Variants in CAMKK1 observed in about 807,000 individuals in gnomAD.
CAMKK1 encodes the protein calcium/calmodulin dependent protein kinase kinase 1, also known as calcium/calmodulin-dependent protein kinase kinase 1.
In CAMKK1, 20 loss-of-function variants were observed where a neutral mutation model predicts 63.5. That is an observed-to-expected ratio of 0.32 (90% confidence interval 0.22 to 0.46). The LOEUF is 0.46. CAMKK1 is among the 20% of genes least tolerant of loss of function. The probability of loss-of-function intolerance (pLI) is 1.00; values close to 1 mark genes in which losing one functional copy is unlikely to be tolerated. For synonymous variants in CAMKK1, 253 were observed against 269.0 expected, an observed-to-expected ratio of 0.94 and a Z score of 0.58; for missense variants, 588 against 658.1, an observed-to-expected ratio of 0.89 and a Z score of 1.17.
Position 3,892,408 on chromosome 17 carries a change from A to G in CAMKK1, c.-44+531T>C, listed in dbSNP as rs1435697802. 1.3e-5 allele frequency among the ~76,000 whole-genome samples: 2 copies of G among 151,914 alleles called. No homozygotes were observed. Among genetic ancestry groups the G allele is most frequent in the Non-Finnish European group, 2.9e-5 (2 of 67,946 alleles). ...CAGCCCTGCGCCTCCCGGGCCCCGA[A>G]GCCGCAGCGCCCGCCTCTGCCGCCC... On this transcript the variant is annotated intron_variant, in intron 1 of 15. Coordinates refer to ENST00000348335, the MANE Select transcript of CAMKK1 (RefSeq NM_032294.3). This position sits in a 1 kb window ranked among gnomAD's most constrained non-coding sequence, Gnocchi z 7.5.
At chr17:3,873,571 T>C (rs2054998952) in intron 10 of CAMKK1, 109 bp from the exon 11 acceptor site, 1 of 1,071,514 alleles carries the variant, frequency 9.3e-7, no homozygotes, top group Admixed American at 1.7e-5. Context: ...TCCTCTGTCA[T>C]GCACTCACTC....
At chr17:3,868,726 C>T (rs1388685353) in intron 14 of CAMKK1, among the ~76,000 whole-genome samples, 1 of 151,890 alleles carries the variant, frequency 6.6e-6, no homozygotes, top group African/African-American at 2.4e-5. Flanking sequence ...GATCTTGGCT[C>T]ACTACAACCT....
At position 3,890,976 on chromosome 17, in the gene CAMKK1, C is replaced by T. The variant is rs571462907; in HGVS notation, c.-44+1963G>A. 4.6e-4 allele frequency among the ~76,000 whole-genome samples: 70 copies of T among 152,258 alleles called. No individual in the cohort carries two copies. Among genetic ancestry groups the T allele is most frequent in the Non-Finnish European group, 9.7e-4 (66 of 68,014 alleles). On this transcript the variant is annotated intron_variant, in intron 1 of 15. Coordinates refer to ENST00000348335, the MANE Select transcript of CAMKK1 (RefSeq NM_032294.3). This position sits in a 1 kb window ranked among gnomAD's most constrained non-coding sequence, Gnocchi z 6.5. ...GCTAACACCTCCACCCCACCCTACC[C>T]CATCCTCCACACCAGCTGCTGGAGG...
At chr17:3,864,031 CA>C (rs1482324007) in intron 15 of CAMKK1, among the ~76,000 whole-genome samples, 1 of 151,776 alleles carries the variant, frequency 6.6e-6, no homozygotes, top group East Asian at 1.9e-4. Flanking sequence ...CAGCTCACTG[CA>C]ACCTCCACCT....
chr17:3,861,902 A>C lies in CAMKK1; in HGVS notation c.*309T>G. The C allele has an allele frequency of 2.4e-6, 1 of 409,224 alleles. No homozygotes were observed. The highest frequency in any genetic ancestry group is 4.5e-6 in the Non-Finnish European group (1 of 221,094). 25.3% of individuals were successfully genotyped at this position (409,224 alleles called of 1,614,324 possible). On this transcript the variant is annotated 3_prime_UTR_variant, in exon 16 of 16. Coordinates refer to ENST00000348335, the MANE Select transcript of CAMKK1 (RefSeq NM_032294.3). ...TCTGCCTCCTGCCCCAGGCCATGCC[A>C]ACCAGCCGGGTGGCATTTCTGAGGC...
rs1355539898 is a variant in CAMKK1, at chr17:3,882,166, A to G, written c.685+362T>C. On this transcript the variant is annotated intron_variant, in intron 7 of 15. Coordinates refer to ENST00000348335, the MANE Select transcript of CAMKK1 (RefSeq NM_032294.3). This position sits in a 1 kb window ranked among gnomAD's most constrained non-coding sequence, Gnocchi z 4.3. ...TCTTCACAGGAACCCTATGAGGTAG[A>G]CACCACTAGTATCCCTGTTTTATAG... is the stretch of plus-strand genomic sequence containing the variant. The G allele has an allele frequency of 1.2e-6, 1 of 824,446 alleles. No homozygotes were observed. The highest frequency in any genetic ancestry group is 2.0e-6 in the Non-Finnish European group (1 of 504,200). The allele number at this position is 824,446 out of a possible 1,614,324, so 51.1% of individuals were successfully genotyped here. A position where few individuals can be genotyped will look rare whatever the true frequency, so the allele number is the denominator to read the frequency against.
rs2055912853 is a variant in CAMKK1, at chr17:3,891,798, TG to T, written c.-44+1140del. ...GCATATAGGAGAGTCATTTCCTGGC[TG>T]GGACTCCGGGCTTGGTTTGGGGGTG... On this transcript the variant is annotated intron_variant, in intron 1 of 15. Coordinates refer to ENST00000348335, the MANE Select transcript of CAMKK1 (RefSeq NM_032294.3). 4.6e-5 allele frequency among the ~76,000 whole-genome samples: 7 copies of T among 152,204 alleles called. No homozygotes were observed. The South Asian group carries it at 1.5e-3, about 32-fold the overall frequency.
At chr17:3,866,038 G>C in intron 14 of CAMKK1, 27 bp from the exon 15 acceptor site, 2 of 1,611,028 alleles carry the variant, frequency 1.2e-6, no homozygotes, top group Non-Finnish European at 1.7e-6. Context: ...AGCGTGAGGA[G>C]CACAGGTCCC....
intron 14 of CAMKK1, among the ~76,000 whole-genome samples, chr17:3,867,333 G>C (rs965561306): frequency 6.6e-6 from 1 of 152,214 alleles, no homozygotes; most frequent in Non-Finnish European, 1.5e-5. Flanking sequence ...CCAGAGACGA[G>C]TGCATGATGG....
intron 8 of CAMKK1, among the ~76,000 whole-genome samples, chr17:3,880,782 GCTT>G (rs1390276193): frequency 2.8e-5 from 3 of 108,296 alleles, no homozygotes; most frequent in Non-Finnish European, 5.6e-5. Context: ...GGTGGCAACT[GCTT>G]TTTTTTTTTT....
rs2143765764 is a variant in CAMKK1 at position 3,861,994 on chromosome 17, C to T, written c.*217G>A. The stretch of plus-strand genomic sequence containing the variant: ...GGAGGTCCAAGAAGAGGAGGATGGC[C>T]TCGTGGGAGCCCTGCCCCCAAGACC... On this transcript the variant is annotated 3_prime_UTR_variant, in exon 16 of 16. Coordinates refer to ENST00000348335, the MANE Select transcript of CAMKK1 (RefSeq NM_032294.3). The T allele has an allele frequency of 1.7e-6, 1 of 584,342 alleles. No homozygotes were observed. Among genetic ancestry groups the T allele is most frequent in the Non-Finnish European group, 3.1e-6 (1 of 325,668 alleles). The allele number at this position is 584,342 out of a possible 1,614,324, so 36.2% of individuals were successfully genotyped here.
rs998789220 is a variant in CAMKK1 at position 3,883,186 on chromosome 17, G to A, written c.515-11C>T. The A allele has an allele frequency of 8.7e-6, 14 of 1,608,386 alleles. No individual in the cohort carries two copies. The highest frequency in any genetic ancestry group is 1.2e-5 in the Non-Finnish European group (14 of 1,179,892). ...TCGGGGGAGGGCGACCTGTGACCAG[G>A]AAGAGAACTCAAACACCTGTTCCAG... On this transcript the variant is annotated splice_polypyrimidine_tract_variant and intron_variant, in intron 5 of 15. Transcript: ENST00000348335. The surrounding 1 kb of genome is among the most constrained non-coding windows in gnomAD (Gnocchi z 4.7).
Position 3,883,368 on chromosome 17 carries a change from G to C in CAMKK1, c.514+61C>G. ...TCCTAGCCAAAACTAGCTCAGGATC[G>C]AGGTCTCCTCCTCTGCCTCCAGGCT... On this transcript the variant is annotated intron_variant, in intron 5 of 15. Transcript: ENST00000348335. The surrounding 1 kb of genome is among the most constrained non-coding windows in gnomAD (Gnocchi z 4.7). 6.5e-7 allele frequency: 1 copy of C among 1,542,326 alleles called. No homozygotes were observed. The highest frequency in any genetic ancestry group is 9.0e-7 in the Non-Finnish European group (1 of 1,115,244).
rs2055466465 is a variant in CAMKK1, at chr17:3,882,686, A to T, written c.649-122T>A. ...ATGCATGCAACCACCCCAGACAAGG[A>T]AGCAGGAAGTGTACAGGTGGTGCCA... On this transcript the variant is annotated intron_variant, in intron 6 of 15. Transcript: ENST00000348335. This position sits in a 1 kb window ranked among gnomAD's most constrained non-coding sequence, Gnocchi z 4.3. 3 of 958,884 alleles carry T rather than the reference A, an allele frequency of 3.1e-6. No homozygotes were observed. The highest frequency in any genetic ancestry group is 4.8e-6 in the Non-Finnish European group (3 of 619,788). 59.4% of individuals were successfully genotyped at this position (958,884 alleles called of 1,614,324 possible).
Position 3,869,848 on chromosome 17 carries a change from T to A in CAMKK1, c.1165A>T (p.Met389Leu), listed in dbSNP as rs751738404. The change falls in exon 13 of 16, where the codon ATG becomes TTG. Residue 389 changes from methionine (M) to leucine (L), a missense_variant. Around this residue, in one of 3 missense-constraint regions of CAMKK1, gnomAD observed 226 missense variants for 229.2 expected, o/e 0.99. Coordinates refer to ENST00000348335, the MANE Select transcript of CAMKK1 (RefSeq NM_032294.3). ...CTCGTCTCGGGATTCTTGTCTAACA[T>A]CTTCAGGATCAGGTCCTTGAGCTCC... ...SEELKDLILKMLDKNPETRIG... is the reference protein window; with the variant it reads ...SEELKDLILKLLDKNPETRIG... 1 of 1,614,204 alleles carries A rather than the reference T, an allele frequency of 6.2e-7. No homozygotes were observed. The highest frequency in any genetic ancestry group is 2.2e-5 in the East Asian group (1 of 44,878).
chr17:3,876,228 C>G lies in CAMKK1; in HGVS notation c.991G>C (p.Gly331Arg). ...GCCCAGGGCCTGCGAGTCACCTTCC[C>G]ACTGAAGCTCTGGCCGGAATCAGAA... is the stretch of plus-strand genomic sequence containing the variant. ...AISDSGQSFS[G>R]KALDVWATGV... Residue 331 changes from glycine to arginine, a missense_variant, in exon 10 of 16, where the codon GGG becomes CGG. This residue lies in a region of CAMKK1 where 226 missense variants were observed against 229.2 expected (regional missense o/e 0.99). Transcript: ENST00000348335. 1 of 1,614,018 alleles carries G rather than the reference C, an allele frequency of 6.2e-7. No homozygotes were observed. Among genetic ancestry groups the G allele is most frequent in the East Asian group, 2.2e-5 (1 of 44,872 alleles).
chr17:3,863,378 A>G (rs2054392080), intron 15 of CAMKK1, among the ~76,000 whole-genome samples: 1 of 152,118 alleles, frequency 6.6e-6, no homozygotes, highest in African/African-American at 2.4e-5. Context: ...TGCACCTGTA[A>G]TCCCAGCTAC....
At chr17:3,867,915 C>A (rs558927189) in intron 14 of CAMKK1, among the ~76,000 whole-genome samples, 1 of 152,186 alleles carries the variant, frequency 6.6e-6, no homozygotes, top group Non-Finnish European at 1.5e-5. Flanking sequence ...GGAGCAAAAC[C>A]GAAATGTGAG....
At chr17:3,880,230 T>C in intron 9 of CAMKK1, 116 bp downstream of exon 9, 1 of 854,502 alleles carries the variant, frequency 1.2e-6, no homozygotes, top group Non-Finnish European at 1.9e-6. Flanking sequence ...CCACTGAAGC[T>C]GATTGGCAGG....
Sources: allele counts gnomAD v4.1 joint callset (sites outside exome capture counted in the v4.1 genomes callset), GRCh38; gene constraint gnomAD v4.1.1; regional missense constraint gnomAD v4.1.1; non-coding constraint Gnocchi (gnomAD v3.1); transcripts MANE v1.5; gene names NCBI Gene and HGNC (gene_info 2026-07-23, HGNC 2026-07-21).